Variants in ATF7IP2 observed in about 807,000 individuals in gnomAD.
The protein encoded by ATF7IP2 is activating transcription factor 7-interacting protein 2.
ATF7IP2 carries 42 observed loss-of-function variants against 64.2 expected under a neutral mutation model. The observed-to-expected ratio is 0.65, with a 90% CI of 0.51 to 0.85. The LOEUF is 0.85. Among genes scored for constraint, ATF7IP2 ranks in the 40% least tolerant of loss-of-function variants. The pLI, the probability that ATF7IP2 is intolerant of heterozygous loss-of-function variation, is 0.00. For synonymous variants in ATF7IP2, 308 were observed against 272.8 expected (o/e 1.13, Z -1.27); for missense variants, 933 against 784.2 (o/e 1.19, Z -2.27).
In ATF7IP2 at chr16:10,430,998, C is replaced by T. The variant is rs2048227630; in HGVS notation, c.378C>T (p.Pro126=). 3 of 1,614,162 alleles carry T rather than the reference C, an allele frequency of 1.9e-6. No individual in the cohort carries two copies. Among genetic ancestry groups the T allele is most frequent in the East Asian group, 4.5e-5 (2 of 44,894 alleles). The part of the protein sequence containing the change: ...YQKPSRTTES[P]SRVFTEEAKD... ...AGCCAAGTAGAACAACAGAATCCCC[C>T]AGCAGAGTCTTCACAGAAGAGGCAA... Residue 126 remains proline (P), a synonymous_variant, in exon 5 of 14, where the codon CCC becomes CCT. Transcript: ENST00000562102.
chr16:10,475,292 T>A (rs2049961783), intron 12 of ATF7IP2, among the ~76,000 whole-genome samples: 1 of 152,220 alleles, frequency 6.6e-6, no homozygotes, highest in South Asian at 2.1e-4. Flanking sequence ...GAAGCTAGAC[T>A]GTGATAAGTT....
intron 3 of ATF7IP2, among the ~76,000 whole-genome samples, chr16:10,426,257 A>G (rs972999303): frequency 6.6e-6 from 1 of 152,228 alleles, no homozygotes; most frequent in East Asian, 1.9e-4. Flanking sequence ...CAAATTGGCT[A>G]AAGAGAGGAG....
chr16:10,460,021 T>C (rs1238809579), intron 9 of ATF7IP2, among the ~76,000 whole-genome samples: 1 of 152,098 alleles, frequency 6.6e-6, no homozygotes, highest in African/African-American at 2.4e-5. Context: ...GGGGGGTGTG[T>C]GTATGAAATC....
At chr16:10,460,168 C>T (rs2049326841) in intron 9 of ATF7IP2, among the ~76,000 whole-genome samples, 1 of 151,944 alleles carries the variant, frequency 6.6e-6, no homozygotes, top group Non-Finnish European at 1.5e-5. Context: ...TTTGGAAAAG[C>T]TGTAACACCA....
chr16:10,412,024 T>TTTTTTTTTTTTTTTTTTTTTTTA (rs2047776819), intron 1 of ATF7IP2, among the ~76,000 whole-genome samples: 1 of 145,376 alleles, frequency 6.9e-6, no homozygotes, highest in Non-Finnish European at 1.5e-5. Context: ...TTTTTTTTTT[T>TTTTTTTTTTTTTTTTTTTTTTTA]TTTTTTTTTT....
chr16:10,447,699 G>A (rs1283642958), intron 8 of ATF7IP2: 2 of 152,122 alleles, frequency 1.3e-5, no homozygotes, highest in Non-Finnish European at 2.9e-5. Flanking sequence ...ATTTAGAATA[G>A]GACAAAGAAC....
At chr16:10,464,781 A>G (rs2049498227) in intron 9 of ATF7IP2, among the ~76,000 whole-genome samples, 1 of 152,166 alleles carries the variant, frequency 6.6e-6, no homozygotes, top group Non-Finnish European at 1.5e-5. Context: ...GAAAGTTACT[A>G]CTATTTTGCA....
intron 3 of ATF7IP2, among the ~76,000 whole-genome samples, chr16:10,421,549 T>C (rs1196463609): frequency 2.0e-5 from 3 of 152,214 alleles, no homozygotes; most frequent in Non-Finnish European, 4.4e-5. Context: ...GTATGGTTGC[T>C]TTCTGTGGCA....
chr16:10,420,679 A>G (rs190946454), intron 3 of ATF7IP2, among the ~76,000 whole-genome samples: 37 of 152,386 alleles, frequency 2.4e-4, no homozygotes, highest in African/African-American at 5.5e-4. Context: ...GCTGTTTGCA[A>G]TTGGGAAAAT....
At chr16:10,406,931 CCAAA>C (rs778735382) in intron 1 of ATF7IP2, among the ~76,000 whole-genome samples, 4 of 152,082 alleles carry the variant, frequency 2.6e-5, no homozygotes, top group East Asian at 3.9e-4. Context: ...AATACCAAAA[CCAAA>C]CAGACACATA....
At chr16:10,457,326 A>G (rs184436155) in intron 8 of ATF7IP2, 46 bp from the exon 9 acceptor site, 6 of 1,527,914 alleles carry the variant, frequency 3.9e-6, no homozygotes, top group East Asian at 2.3e-5. Context: ...GAAGGATACA[A>G]TTGGTAAAAT....
chr16:10,414,173 C>T (rs1032806262), intron 1 of ATF7IP2, among the ~76,000 whole-genome samples: 16 of 152,228 alleles, frequency 1.1e-4, no homozygotes, highest in South Asian at 2.1e-4. Context: ...CTCCCAAATA[C>T]GTTTTCTAAA....
At chr16:10,458,979 A>G (rs2049276578) in intron 9 of ATF7IP2, among the ~76,000 whole-genome samples, 1 of 151,952 alleles carries the variant, frequency 6.6e-6, no homozygotes, top group Non-Finnish European at 1.5e-5. Context: ...TGAGGTCAGG[A>G]GTTTGAGACC....
chr16:10,416,705 C>T (rs543894796), intron 2 of ATF7IP2, among the ~76,000 whole-genome samples: 11 of 152,158 alleles, frequency 7.2e-5, no homozygotes, highest in African/African-American at 2.6e-4. Flanking sequence ...GCAGAGGCAG[C>T]AGAATCACAT....
chr16:10,419,359 T>G (rs1286957961), intron 2 of ATF7IP2, among the ~76,000 whole-genome samples: 1 of 152,194 alleles, frequency 6.6e-6, no homozygotes, highest in Non-Finnish European at 1.5e-5. Context: ...CTCTATTATC[T>G]GTAGGACCGA....
chr16:10,482,736 A>AT lies in ATF7IP2; in HGVS notation c.*498dup, dbSNP rs35744297. The AT allele has an allele frequency of 5.2e-3, 787 of 149,926 alleles. 3 individuals carry two copies. The highest frequency in any genetic ancestry group is 0.015 in the African/African-American group (628 of 40,884). The allele number at this position is 149,926 out of a possible 1,614,324, so 9.3% of individuals were successfully genotyped here. ...AAAAGTTAATTATAAAAATTAAAAGATTTTTTTTTTTGAGATGGAATATTG... is the reference window on the plus strand; with the variant it reads ...AAAAGTTAATTATAAAAATTAAAAGATTTTTTTTTTTTGAGATGGAATATTG... On this transcript the variant is annotated 3_prime_UTR_variant, in exon 14 of 14. Coordinates refer to ENST00000562102, the MANE Select transcript of ATF7IP2 (RefSeq NM_001393719.1).
At chr16:10,472,869 A>AAT (rs1460611039) in intron 10 of ATF7IP2, among the ~76,000 whole-genome samples, 3 of 151,952 alleles carry the variant, frequency 2.0e-5, no homozygotes, top group African/African-American at 7.3e-5. Flanking sequence ...AAAAAAAAAA[A>AAT]AAAAATTTTA....
chr16:10,429,966 C>A (rs904632055), intron 4 of ATF7IP2, among the ~76,000 whole-genome samples: 1 of 151,688 alleles, frequency 6.6e-6, no homozygotes, highest in African/African-American at 2.4e-5. Context: ...GATTCTTGTG[C>A]TTCAGCCTGC....
At chr16:10,463,497 G>A (rs189643764) in intron 9 of ATF7IP2, among the ~76,000 whole-genome samples, 1 of 152,282 alleles carries the variant, frequency 6.6e-6, no homozygotes, top group East Asian at 1.9e-4. Context: ...TAACTGTCAT[G>A]TCATAAGAAC....
Sources: gnomAD v4.1 joint callset for allele counts (sites outside exome capture counted in the v4.1 genomes callset) on GRCh38, gnomAD v4.1.1 for gene constraint, MANE v1.5 for transcripts, NCBI Gene and HGNC (gene_info 2026-07-23, HGNC 2026-07-21) for gene names.